RAI14: variants seen among roughly 807,000 people sequenced by gnomAD.
RAI14 encodes the protein retinoic acid induced 14.
RAI14 carries 45 observed loss-of-function variants against 115.4 expected under a neutral mutation model. The ratio of observed to expected loss-of-function variants is 0.39; its 90% CI spans 0.31 to 0.50. The LOEUF (loss-of-function observed/expected upper bound fraction) is 0.50, where lower values mean the gene tolerates loss of function less well. Ranked by LOEUF, RAI14 falls within the 20% of genes least tolerant of loss-of-function variation. The probability of loss-of-function intolerance (pLI) is 0.85; values close to 1 mark genes in which losing one functional copy is unlikely to be tolerated. For missense variants in RAI14, 939 were observed against 1,131.2 expected, an observed-to-expected ratio of 0.83 and a Z score of 2.44; for synonymous variants, 371 against 415.4, an observed-to-expected ratio of 0.89 and a Z score of 1.30.
At chr5:34,759,975 A>G (rs766248434) in intron 3 of RAI14, among the ~76,000 whole-genome samples, 1 of 152,140 alleles carries the variant, frequency 6.6e-6, no homozygotes, top group Non-Finnish European at 1.5e-5. Flanking sequence ...CAATCTTGGC[A>G]GCTTCTGCGT....
chr5:34,811,107 C>A lies in RAI14; in HGVS notation c.546C>A (p.Asn182Lys), dbSNP rs1316897321. Reference protein sequence around the residue: ...LDHGADVNSRNKSGRTALMLA... With the variant: ...LDHGADVNSRKKSGRTALMLA... ...ATGGAGCAGATGTCAATTCCAGGAA[C>A]AAAAGTGGAAGGTACTCCAGAATTA... is the stretch of plus-strand genomic sequence containing the variant. The change falls in exon 8 of 18, where the codon AAC (asparagine) becomes AAA (lysine). Residue 182 changes from asparagine (N) to lysine (K), a missense_variant. Physicochemically the swap from Asn to Lys is moderately conservative, Grantham distance 94. Coordinates refer to ENST00000265109, the MANE Select transcript of RAI14 (RefSeq NM_015577.3). 6.2e-7 allele frequency: 1 copy of A among 1,613,992 alleles called. No homozygotes were observed. The highest frequency in any genetic ancestry group is 2.2e-5 in the East Asian group (1 of 44,878).
chr5:34,674,199 C>T (rs1014828005), intron 1 of RAI14, among the ~76,000 whole-genome samples: 3 of 152,184 alleles, frequency 2.0e-5, no homozygotes, highest in South Asian at 4.1e-4. Context: ...TCTGGACTTT[C>T]CTTCCACTCC....
chr5:34,753,636 C>T (rs1016424818), intron 2 of RAI14, among the ~76,000 whole-genome samples: 1 of 151,698 alleles, frequency 6.6e-6, no homozygotes, highest in Non-Finnish European at 1.5e-5. Context: ...AAAAATTGGG[C>T]CAGGTATTGT....
At position 34,711,636 on chromosome 5, in the gene RAI14, G is replaced by T. The variant is rs143069986; in HGVS notation, c.36+24681G>T. ...TGAGATTATTGCCCTTATTAAAAAG[G>T]CCCCAGAGAGCTACTTCATCCCTTC... On this transcript the variant is annotated intron_variant, in intron 2 of 17. Coordinates refer to ENST00000265109, the MANE Select transcript of RAI14 (RefSeq NM_015577.3). Among the ~76,000 whole-genome samples, 255 of 152,272 alleles carry T rather than the reference G, an allele frequency of 1.7e-3. 1 individual carries two copies. Among genetic ancestry groups the T allele is most frequent in the Admixed American group, 3.2e-3 (49 of 15,286 alleles).
At chr5:34,806,255 G>C (rs937696866) in intron 5 of RAI14, among the ~76,000 whole-genome samples, 2 of 152,162 alleles carry the variant, frequency 1.3e-5, no homozygotes, top group African/African-American at 4.8e-5. Flanking sequence ...TGTGGGCCTG[G>C]GGCAGAGCAA....
chr5:34,806,659 G>A (rs1343418201), intron 5 of RAI14, among the ~76,000 whole-genome samples: 1 of 152,058 alleles, frequency 6.6e-6, no homozygotes, highest in South Asian at 2.1e-4. Context: ...TGAATCGCTG[G>A]TTTCTGGCTC....
chr5:34,683,759 A>G lies in RAI14; in HGVS notation c.-48-3113A>G, dbSNP rs1338899778. Among the ~76,000 whole-genome samples the G allele has an allele frequency of 1.0e-4, 15 of 150,070 alleles. 1 individual carries two copies. Among genetic ancestry groups the G allele is most frequent in the Non-Finnish European group, 8.9e-5 (6 of 67,550 alleles). Reference sequence around the variant, plus strand: ...TTTTTTTTTTTTGAGATGGAGTCTCACTCTGTCGCCCAGGGTGGAGTGCAG... The same window carrying G: ...TTTTTTTTTTTTGAGATGGAGTCTCGCTCTGTCGCCCAGGGTGGAGTGCAG... On this transcript the variant is annotated intron_variant, in intron 1 of 17. Coordinates refer to ENST00000265109, the MANE Select transcript of RAI14 (RefSeq NM_015577.3).
intron 2 of RAI14, among the ~76,000 whole-genome samples, chr5:34,755,315 T>C (rs1446100894): frequency 1.3e-5 from 2 of 152,222 alleles, no homozygotes; most frequent in African/African-American, 4.8e-5. Context: ...AGTAAATTGC[T>C]GTAGTAGGAG....
chr5:34,768,906 T>C (rs977812990), intron 3 of RAI14, among the ~76,000 whole-genome samples: 10 of 151,958 alleles, frequency 6.6e-5, no homozygotes, highest in African/African-American at 2.4e-4. Context: ...CATGAATCGC[T>C]TGAACCTGGG....
At chr5:34,726,753 G>T (rs1412946382) in intron 2 of RAI14, among the ~76,000 whole-genome samples, 1 of 152,114 alleles carries the variant, frequency 6.6e-6, no homozygotes, top group African/African-American at 2.4e-5. Context: ...TTCTGCACAT[G>T]CTTTCTTTTT....
At chr5:34,714,282 A>T (rs1041993402) in intron 2 of RAI14, among the ~76,000 whole-genome samples, 1 of 152,056 alleles carries the variant, frequency 6.6e-6, no homozygotes, top group Non-Finnish European at 1.5e-5. Context: ...CTGTTCCTCA[A>T]CTCATTGTTC....
chr5:34,792,491 C>T (rs1381982350), intron 3 of RAI14, among the ~76,000 whole-genome samples: 1 of 152,150 alleles, frequency 6.6e-6, no homozygotes, highest in Non-Finnish European at 1.5e-5. Flanking sequence ...ACCTCGGCCT[C>T]CCAAAGTGCT....
chr5:34,756,841 C>T (rs535065625), intron 2 of RAI14, among the ~76,000 whole-genome samples: 1 of 152,312 alleles, frequency 6.6e-6, no homozygotes, highest in East Asian at 1.9e-4. Flanking sequence ...TTGGCATTGA[C>T]AGTGATTGAG....
chr5:34,810,403 C>T (rs551359164), intron 7 of RAI14, among the ~76,000 whole-genome samples: 136 of 152,224 alleles, frequency 8.9e-4, no homozygotes, highest in Middle Eastern at 3.4e-3. Context: ...GAGTTGGAGA[C>T]CTAGATTTCC....
chr5:34,711,413 T>C (rs1741386298), intron 2 of RAI14, among the ~76,000 whole-genome samples: 1 of 152,108 alleles, frequency 6.6e-6, no homozygotes, highest in Non-Finnish European at 1.5e-5. Flanking sequence ...GTGGCAGAGA[T>C]TACAAAGTAC....
intron 3 of RAI14, among the ~76,000 whole-genome samples, chr5:34,781,773 A>G (rs570357357): frequency 2.0e-5 from 3 of 152,200 alleles, no homozygotes; most frequent in South Asian, 2.1e-4. Context: ...ATGTGTCTAC[A>G]CTTGCTGAGA....
At chr5:34,768,651 A>T (rs1749740747) in intron 3 of RAI14, among the ~76,000 whole-genome samples, 1 of 152,132 alleles carries the variant, frequency 6.6e-6, no homozygotes, top group Non-Finnish European at 1.5e-5. Flanking sequence ...GACTATCCTT[A>T]TGAAGCCAAA....
intron 2 of RAI14, among the ~76,000 whole-genome samples, chr5:34,736,494 G>A (rs534427265): frequency 4.6e-5 from 7 of 152,070 alleles, no homozygotes; most frequent in South Asian, 2.1e-4. Flanking sequence ...TTGTAAAGCC[G>A]TTCATTAAGT....
At chr5:34,723,328 G>A (rs77402324) in intron 2 of RAI14, among the ~76,000 whole-genome samples, 2,585 of 152,168 alleles carry the variant, frequency 0.017, 65 homozygotes, top group African/African-American at 0.059. Context: ...TGGCAGAATC[G>A]GAATCTGTAG....
Sources: allele counts gnomAD v4.1 joint callset (sites outside exome capture counted in the v4.1 genomes callset), GRCh38; gene constraint gnomAD v4.1.1; transcripts MANE v1.5; gene names NCBI Gene and HGNC (gene_info 2026-07-23, HGNC 2026-07-21).